SDK1: variants seen among roughly 807,000 people sequenced by gnomAD.
SDK1 encodes protein sidekick-1.
SDK1 carries 157 observed loss-of-function variants against 245.5 expected under a neutral mutation model. The ratio of observed to expected loss-of-function variants is 0.64; its 90% CI spans 0.56 to 0.73. The LOEUF is 0.73. Among genes scored for constraint, SDK1 ranks in the 30% least tolerant of loss-of-function variants. The pLI is 0.00. For synonymous variants in SDK1, 1,647 were observed against 1,278.5 expected (o/e 1.29, Z -6.15); for missense variants, 3,583 against 3,002.3 (o/e 1.19, Z -4.52).
intron 1 of SDK1, among the ~76,000 whole-genome samples, chr7:3,581,255 C>T (rs1780478349): frequency 1.3e-5 from 2 of 151,586 alleles, no homozygotes; most frequent in South Asian, 4.2e-4. Flanking sequence ...CTTAAATTTA[C>T]AAAAAAAACC....
At chr7:3,375,102 C>T (rs759454867) in intron 1 of SDK1, among the ~76,000 whole-genome samples, 5 of 151,792 alleles carry the variant, frequency 3.3e-5, no homozygotes, top group Non-Finnish European at 4.4e-5. Flanking sequence ...ACGCATTTTC[C>T]GATAGTGTCT....
chr7:3,983,660 C>G (rs996848802), intron 13 of SDK1, among the ~76,000 whole-genome samples: 1 of 152,198 alleles, frequency 6.6e-6, no homozygotes, highest in Non-Finnish European at 1.5e-5. Flanking sequence ...CGTGCAGTAT[C>G]TCTGAGACAT....
In SDK1 at chr7:3,533,202, G is replaced by T. The variant is rs371943819; in HGVS notation, c.299-85878G>T. On this transcript the variant is annotated intron_variant, in intron 1 of 44. Transcript: ENST00000404826. Reference sequence around the variant, plus strand: ...GACATCTCTCTTACCACTCTCTGAAGATTAATGTCACTCCTGATAAGACTC... The same window carrying T: ...GACATCTCTCTTACCACTCTCTGAATATTAATGTCACTCCTGATAAGACTC... Among the ~76,000 whole-genome samples, 123 of 152,290 alleles carry T rather than the reference G, an allele frequency of 8.1e-4. 2 individuals are homozygous for T. Among genetic ancestry groups the T allele is most frequent in the Middle Eastern group, 6.8e-3 (2 of 294 alleles).
intron 1 of SDK1, among the ~76,000 whole-genome samples, chr7:3,481,550 G>T (rs549632682): frequency 7.4e-4 from 112 of 152,328 alleles, no homozygotes; most frequent in African/African-American, 2.6e-3. Context: ...AGAAACGAGG[G>T]CAAAGAATTA....
intron 1 of SDK1, among the ~76,000 whole-genome samples, chr7:3,505,196 C>G (rs542652909): frequency 3.9e-5 from 6 of 152,050 alleles, no homozygotes; most frequent in African/African-American, 1.2e-4. Context: ...TTTTGTTTTG[C>G]TAATTAAACC....
chr7:3,437,797 C>G (rs549702508), intron 1 of SDK1, among the ~76,000 whole-genome samples: 6 of 152,060 alleles, frequency 3.9e-5, no homozygotes, highest in Non-Finnish European at 8.8e-5. Context: ...TTAAGGATAC[C>G]AAAAAATTAT....
At chr7:3,516,362 A>G (rs1429648287) in intron 1 of SDK1, among the ~76,000 whole-genome samples, 1 of 152,110 alleles carries the variant, frequency 6.6e-6, no homozygotes. Context: ...ATGTCATACC[A>G]TCCTGCTGGG....
At chr7:3,506,026 T>TA (rs1295131319) in intron 1 of SDK1, among the ~76,000 whole-genome samples, 3 of 152,178 alleles carry the variant, frequency 2.0e-5, no homozygotes, top group Non-Finnish European at 4.4e-5. Context: ...AATTTAAAAA[T>TA]AAGAAAAAAA....
chr7:3,723,941 TATAGAGAGAGAGAGAGAGAGAGAG>T (rs1455184222), intron 4 of SDK1, among the ~76,000 whole-genome samples: 7 of 111,340 alleles, frequency 6.3e-5, no homozygotes, highest in African/African-American at 2.5e-4. Context: ...TATATATATA[TATAGAGAGAGAGAGAGAGAGAGAG>T]AGAGAGAGAG....
intron 1 of SDK1, among the ~76,000 whole-genome samples, chr7:3,561,464 C>T (rs1303396123): frequency 5.9e-5 from 9 of 152,170 alleles, no homozygotes; most frequent in East Asian, 3.8e-4. Flanking sequence ...CAGTGAAACT[C>T]GGAGATCTCT....
intron 1 of SDK1, among the ~76,000 whole-genome samples, chr7:3,325,106 C>T (rs1203974073): frequency 6.6e-6 from 1 of 151,932 alleles, no homozygotes; most frequent in Non-Finnish European, 1.5e-5. Flanking sequence ...AGTTCTCTAC[C>T]AAACCACTTT....
intron 4 of SDK1, among the ~76,000 whole-genome samples, chr7:3,695,778 G>A (rs974972110): frequency 6.6e-6 from 1 of 152,144 alleles, no homozygotes; most frequent in Non-Finnish European, 1.5e-5. Context: ...AACAGAGAAG[G>A]CAACCGCTAG....
At position 4,032,048 on chromosome 7, in the gene SDK1, C is replaced by T. The variant is rs376739615; in HGVS notation, c.2602+14696C>T. On this transcript the variant is annotated intron_variant, in intron 17 of 44. Coordinates refer to ENST00000404826, the MANE Select transcript of SDK1 (RefSeq NM_152744.4). ...CCTCAAAAAAAAAAAAAAAAAAGTA[C>T]ATAGATAGATAGATCGATCGATCGA... Among the ~76,000 whole-genome samples the T allele has an allele frequency of 5.4e-3, 791 of 146,938 alleles. 6 individuals carry two copies. The highest frequency in any genetic ancestry group is 0.04 in the South Asian group (188 of 4,694).
chr7:3,372,074 A>G (rs996847226), intron 1 of SDK1, among the ~76,000 whole-genome samples: 4 of 152,212 alleles, frequency 2.6e-5, no homozygotes, highest in Admixed American at 6.5e-5. Context: ...GGCTATTCAG[A>G]TGTAAAACAA....
intron 4 of SDK1, among the ~76,000 whole-genome samples, chr7:3,713,615 C>T (rs368549687): frequency 5.3e-5 from 8 of 152,172 alleles, no homozygotes; most frequent in Non-Finnish European, 8.8e-5. Context: ...TTCAAGAATA[C>T]GTCAGTTCTG....
At chr7:3,822,043 T>C (rs1450081672) in intron 5 of SDK1, among the ~76,000 whole-genome samples, 1 of 152,218 alleles carries the variant, frequency 6.6e-6, no homozygotes, top group Non-Finnish European at 1.5e-5. Flanking sequence ...GATCATTTTT[T>C]CCACCTAATT....
At chr7:3,848,669 C>T (rs1309654889) in intron 5 of SDK1, among the ~76,000 whole-genome samples, 1 of 151,272 alleles carries the variant, frequency 6.6e-6, no homozygotes, top group Non-Finnish European at 1.5e-5. Flanking sequence ...ATAGAGTTGT[C>T]TTTTCTTTTT....
At chr7:4,010,356 G>A (rs184846837) in intron 14 of SDK1, among the ~76,000 whole-genome samples, 11 of 152,314 alleles carry the variant, frequency 7.2e-5, no homozygotes, top group East Asian at 1.9e-4. Flanking sequence ...CATTTGGCTG[G>A]CAGAGTCCCT....
At chr7:3,413,128 C>G (rs759908905) in intron 1 of SDK1, among the ~76,000 whole-genome samples, 1 of 152,112 alleles carries the variant, frequency 6.6e-6, no homozygotes, top group Non-Finnish European at 1.5e-5. Context: ...GATATTTCAG[C>G]TAAACCTGGA....
Sources: gnomAD v4.1 joint callset for allele counts (sites outside exome capture counted in the v4.1 genomes callset) on GRCh38, gnomAD v4.1.1 for gene constraint, MANE v1.5 for transcripts, NCBI Gene and HGNC (gene_info 2026-07-23, HGNC 2026-07-21) for gene names.